ASH2L: variants seen among roughly 807,000 people sequenced by gnomAD.
The protein encoded by ASH2L is set1/Ash2 histone methyltransferase complex subunit ASH2.
Under a neutral mutation model 81.1 loss-of-function variants are expected in ASH2L, and 30 were observed. The observed-to-expected ratio is 0.37, with a 90% CI of 0.28 to 0.50. The LOEUF is 0.50. ASH2L is among the 20% of genes least tolerant of loss of function. The pLI, the probability that ASH2L is intolerant of heterozygous loss-of-function variation, is 0.95. For missense variants in ASH2L, 559 were observed against 792.1 expected (o/e 0.71, Z 3.53); for synonymous variants, 273 against 279.9 (o/e 0.98, Z 0.24).
Position 38,107,139 on chromosome 8 carries a change from C to G in ASH2L, c.374C>G (p.Thr125Arg). 2 of 1,614,068 alleles carry G rather than the reference C, an allele frequency of 1.2e-6. No individual in the cohort carries two copies. Among genetic ancestry groups the G allele is most frequent in the Non-Finnish European group, 1.7e-6 (2 of 1,179,986 alleles). ...TGTGGGATTTGTACAAAATGGTTCA[C>G]GGCTGACACATTTGGCATAGATACC... ...LQCGICTKWF[T>R]ADTFGIDTSS... Residue 125 changes from threonine (T) to arginine (R), a missense_variant, in exon 3 of 16, where the codon ACG (threonine) becomes AGG (arginine). Transcript: ENST00000343823.
chr8:38,133,083 G>A (rs1340656249), intron 12 of ASH2L, among the ~76,000 whole-genome samples: 5 of 149,124 alleles, frequency 3.4e-5, no homozygotes, highest in African/African-American at 7.4e-5. Flanking sequence ...GTGAAACTCC[G>A]TCTCAAAAAA....
At chr8:38,110,682 T>C in intron 4 of ASH2L, 57 bp from the exon 5 acceptor site, 2 of 1,410,434 alleles carry the variant, frequency 1.4e-6, no homozygotes, top group Admixed American at 1.8e-5. Flanking sequence ...GAGTATTCCC[T>C]TGGTAGTAGA....
chr8:38,135,607 AGTTCTTTTTTTGTTT>A (rs1802219848), intron 13 of ASH2L, 46 bp from the exon 14 acceptor site: 6 of 1,239,604 alleles, frequency 4.8e-6, no homozygotes, highest in Non-Finnish European at 7.0e-6. Flanking sequence ...TTTCCTAGAG[AGTTCTTTTTTTGTTT>A]GTTCTTTTTT....
intron 6 of ASH2L, among the ~76,000 whole-genome samples, chr8:38,114,549 T>C (rs924978002): frequency 5.9e-5 from 9 of 152,152 alleles, no homozygotes; most frequent in Non-Finnish European, 1.0e-4. Context: ...CCAAGAATAA[T>C]TTTGTATTGA....
chr8:38,105,565 A>T lies in ASH2L; in HGVS notation c.15A>T (p.Gly5=). 1 of 1,575,234 alleles carries T rather than the reference A, an allele frequency of 6.3e-7. No individual in the cohort carries two copies. Among genetic ancestry groups the T allele is most frequent in the South Asian group, 1.1e-5 (1 of 87,822 alleles). MAAA[G]AGPGQEAGAG... The stretch of plus-strand genomic sequence containing the variant: ...GGGTGGCCGTGATGGCGGCGGCAGG[A>T]GCAGGACCTGGCCAGGAAGCGGGTG... Residue 5 remains glycine, a synonymous_variant, in exon 1 of 16, where the codon GGA becomes GGT. Coordinates refer to ENST00000343823, the MANE Select transcript of ASH2L (RefSeq NM_004674.5).
At chr8:38,130,002 A>G (rs533306335) in intron 12 of ASH2L, among the ~76,000 whole-genome samples, 1 of 152,254 alleles carries the variant, frequency 6.6e-6, no homozygotes, top group African/African-American at 2.4e-5. Flanking sequence ...CTCTTTTCCT[A>G]CCATATATGA....
chr8:38,106,311 T>G (rs1810428906), intron 1 of ASH2L, 67 bp from the exon 2 acceptor site: 1 of 1,509,624 alleles, frequency 6.6e-7, no homozygotes, highest in Non-Finnish European at 9.2e-7. Context: ...TGATCATCAT[T>G]TTTGGGAATA....
At position 38,139,113 on chromosome 8, in the gene ASH2L, C is replaced by T; in HGVS notation, c.*42C>T. 2 of 1,430,684 alleles carry T rather than the reference C, an allele frequency of 1.4e-6. No individual in the cohort carries two copies. The highest frequency in any genetic ancestry group is 1.9e-6 in the Non-Finnish European group (2 of 1,056,556). 88.6% of individuals were successfully genotyped at this position (1,430,684 alleles called of 1,614,324 possible). ...TGTCAAGGACTTTCTGGGAATAATA[C>T]TGGGGGTTTTGTTTTTGTTTTTGAA... On this transcript the variant is annotated 3_prime_UTR_variant, in exon 16 of 16. Coordinates refer to ENST00000343823, the MANE Select transcript of ASH2L (RefSeq NM_004674.5).
At chr8:38,123,415 A>G (rs1801711341) in intron 10 of ASH2L, 1 of 152,142 alleles carries the variant, frequency 6.6e-6, no homozygotes, top group African/African-American at 2.4e-5. Context: ...TGGGAGAAAC[A>G]TTTACTAAGT....
At chr8:38,132,999 A>C (rs1802118600) in intron 12 of ASH2L, among the ~76,000 whole-genome samples, 1 of 152,060 alleles carries the variant, frequency 6.6e-6, no homozygotes, top group African/African-American at 2.4e-5. Context: ...AGGCAGGAGA[A>C]TCGCTTGAAC....
intron 4 of ASH2L, 132 bp from the exon 5 acceptor site, chr8:38,110,607 C>A: frequency 8.9e-7 from 1 of 1,119,198 alleles, no homozygotes; most frequent in Non-Finnish European, 1.3e-6. Context: ...ATTGCAATTG[C>A]CCATTTCAGG....
chr8:38,109,442 C>G (rs781589563), intron 3 of ASH2L, among the ~76,000 whole-genome samples: 8 of 152,204 alleles, frequency 5.3e-5, no homozygotes, highest in South Asian at 2.1e-4. Context: ...GTTCTGATTT[C>G]TTCTCTTCTA....
chr8:38,138,751 A>G lies in ASH2L; in HGVS notation c.1720-65A>G, dbSNP rs536235658. 8.3e-6 allele frequency: 12 copies of G among 1,443,880 alleles called. No homozygotes were observed. The East Asian group carries it at 9.1e-5, about 11-fold the overall frequency. The allele number at this position is 1,443,880 out of a possible 1,614,324, so 89.4% of individuals were successfully genotyped here. ...ATTTAAAGTGAAAATTTCCTGTGTC[A>G]AATTAACTTTTCCAATATTTTTTGT... On this transcript the variant is annotated intron_variant, in intron 14 of 15. Transcript: ENST00000343823.
Position 38,121,165 on chromosome 8 carries a change from G to C in ASH2L, c.1165+16G>C, listed in dbSNP as rs769810871. 14 of 1,605,472 alleles carry C rather than the reference G, an allele frequency of 8.7e-6. No homozygotes were observed. The highest frequency in any genetic ancestry group is 1.1e-5 in the Non-Finnish European group (13 of 1,173,730). ...CATGATCGAGGTATGTAAAGTATTG[G>C]AGATCATATGGATGCAGGGTTACTT... On this transcript the variant is annotated intron_variant, in intron 10 of 15. Transcript: ENST00000343823.
intron 12 of ASH2L, among the ~76,000 whole-genome samples, chr8:38,133,244 G>C (rs1802129245): frequency 6.6e-6 from 1 of 152,138 alleles, no homozygotes; most frequent in Non-Finnish European, 1.5e-5. Flanking sequence ...CTTACTAAAG[G>C]CCTACTGAAA....
intron 9 of ASH2L, among the ~76,000 whole-genome samples, chr8:38,120,145 G>GTT (rs907627929): frequency 6.6e-6 from 1 of 152,064 alleles, no homozygotes; most frequent in Admixed American, 6.6e-5. Context: ...ACAAACCCAA[G>GTT]TTTAAGTGTC....
intron 1 of ASH2L, chr8:38,106,085 CAG>C (rs1810417285): frequency 1.3e-6 from 2 of 1,524,518 alleles, no homozygotes; most frequent in Non-Finnish European, 1.8e-6. Flanking sequence ...ACTCTGAAAA[CAG>C]GGTGGGAGAG....
Position 38,112,867 on chromosome 8 carries a change from G to A in ASH2L, c.586-1325G>A, listed in dbSNP as rs946808439. Among the ~76,000 whole-genome samples the A allele has an allele frequency of 2.8e-4, 42 of 152,066 alleles. 2 individuals carry two copies. Among genetic ancestry groups the A allele is most frequent in the African/African-American group, 1.0e-3 (42 of 41,418 alleles). On this transcript the variant is annotated intron_variant, in intron 5 of 15. Coordinates refer to ENST00000343823, the MANE Select transcript of ASH2L (RefSeq NM_004674.5). ...ATCAGAATACATTCTTTGGTTGCAA[G>A]TCTTCTGTAAATAACTTTCCCTCAT...
At chr8:38,138,720 A>G (rs1173913670) in intron 14 of ASH2L, 96 bp from the exon 15 acceptor site, 2 of 994,480 alleles carry the variant, frequency 2.0e-6, no homozygotes, top group African/African-American at 3.2e-5. Flanking sequence ...CGAGTATTGT[A>G]GCCACATTTA....
Sources: gnomAD v4.1 joint callset for allele counts (sites outside exome capture counted in the v4.1 genomes callset) on GRCh38, gnomAD v4.1.1 for gene constraint, MANE v1.5 for transcripts, NCBI Gene and HGNC (gene_info 2026-07-23, HGNC 2026-07-21) for gene names.